Variants in PCDH9 observed in about 807,000 individuals in gnomAD.
The protein encoded by PCDH9 is protocadherin-9.
A neutral mutation model predicts 70.6 loss-of-function variants in PCDH9; 24 were observed. That is an observed-to-expected ratio of 0.34 (90% confidence interval 0.25 to 0.48). PCDH9 has a LOEUF of 0.48. PCDH9 is among the 20% of genes least tolerant of loss of function. The pLI is 0.99. For missense variants in PCDH9, 1,281 were observed against 1,503.6 expected (o/e 0.85, Z 2.45); for synonymous variants, 562 against 558.5 (o/e 1.01, Z -0.09).
At chr13:66,701,214 C>A (rs1010517465) in intron 3 of PCDH9, among the ~76,000 whole-genome samples, 1 of 151,512 alleles carries the variant, frequency 6.6e-6, no homozygotes, top group Non-Finnish European at 1.5e-5. Flanking sequence ...TGGATGCTTT[C>A]ATTTTGCCCA....
intron 4 of PCDH9, among the ~76,000 whole-genome samples, chr13:66,533,504 A>T (rs1960560574): frequency 6.6e-6 from 1 of 152,064 alleles, no homozygotes; most frequent in South Asian, 2.1e-4. Context: ...TTAGAGGAAA[A>T]TTTTAAAATA....
intron 2 of PCDH9, among the ~76,000 whole-genome samples, chr13:66,904,635 C>T (rs921363540): frequency 1.3e-5 from 2 of 151,816 alleles, no homozygotes; most frequent in African/African-American, 4.8e-5. Context: ...GCCATGTTTC[C>T]TATTCATCAA....
chr13:66,958,707 C>T (rs1471058955), intron 2 of PCDH9, among the ~76,000 whole-genome samples: 2 of 151,926 alleles, frequency 1.3e-5, no homozygotes, highest in African/African-American at 4.8e-5. Flanking sequence ...GCTAGATCTT[C>T]TGAGAGCATT....
At chr13:66,936,562 A>G (rs980704717) in intron 2 of PCDH9, among the ~76,000 whole-genome samples, 2 of 152,330 alleles carry the variant, frequency 1.3e-5, no homozygotes, top group African/African-American at 4.8e-5. Context: ...AGTTGAAACT[A>G]AAGTGAAATA....
chr13:66,821,105 T>C (rs544802139), intron 3 of PCDH9, among the ~76,000 whole-genome samples: 53 of 152,314 alleles, frequency 3.5e-4, no homozygotes, highest in African/African-American at 1.3e-3. Flanking sequence ...TTTCTAGTTA[T>C]TTACATTTTG....
chr13:67,173,744 G>T (rs2088363520), intron 2 of PCDH9, among the ~76,000 whole-genome samples: 1 of 152,108 alleles, frequency 6.6e-6, no homozygotes, highest in African/African-American at 2.4e-5. Flanking sequence ...ATTCTTTACT[G>T]GCAGAAAATG....
At chr13:67,063,501 G>A (rs2085579779) in intron 2 of PCDH9, among the ~76,000 whole-genome samples, 1 of 142,498 alleles carries the variant, frequency 7.0e-6, no homozygotes, top group African/African-American at 2.6e-5. Context: ...TGAATCTGAG[G>A]CTCATAGAAT....
chr13:67,054,211 A>G (rs911699824), intron 2 of PCDH9, among the ~76,000 whole-genome samples: 2 of 152,198 alleles, frequency 1.3e-5, no homozygotes, highest in African/African-American at 4.8e-5. Context: ...CACTGAGGAC[A>G]CTAACTTAGT....
intron 4 of PCDH9, among the ~76,000 whole-genome samples, chr13:66,338,954 G>A (rs971372494): frequency 7.9e-5 from 12 of 151,824 alleles, no homozygotes; most frequent in East Asian, 1.9e-4. Context: ...AGAAAAACAC[G>A]AGAACTCCAA....
chr13:66,530,790 GT>G (rs778462540), intron 4 of PCDH9, among the ~76,000 whole-genome samples: 20 of 152,018 alleles, frequency 1.3e-4, no homozygotes, highest in Non-Finnish European at 2.4e-4. Flanking sequence ...GCTGATGTTG[GT>G]TGCATTATAA....
chr13:66,495,604 C>A (rs1300246389), intron 4 of PCDH9, among the ~76,000 whole-genome samples: 3 of 150,628 alleles, frequency 2.0e-5, no homozygotes, highest in African/African-American at 7.3e-5. Flanking sequence ...ATACATACCT[C>A]TGGATGATCA....
chr13:66,515,390 T>C (rs1959682913), intron 4 of PCDH9, among the ~76,000 whole-genome samples: 1 of 152,036 alleles, frequency 6.6e-6, no homozygotes, highest in African/African-American at 2.4e-5. Context: ...TTCAAATTCA[T>C]TATTATAATA....
intron 2 of PCDH9, among the ~76,000 whole-genome samples, chr13:67,077,883 A>G (rs898273048): frequency 6.6e-6 from 1 of 152,186 alleles, no homozygotes; most frequent in Non-Finnish European, 1.5e-5. Context: ...ATATCGATTT[A>G]GATATAGTCC....
intron 4 of PCDH9, among the ~76,000 whole-genome samples, chr13:66,546,128 G>A (rs890159385): frequency 7.3e-5 from 11 of 150,936 alleles, no homozygotes; most frequent in African/African-American, 2.2e-4. Context: ...ATGAGCCACC[G>A]CACCCGGCCA....
At chr13:67,125,531 A>G (rs1036296741) in intron 2 of PCDH9, among the ~76,000 whole-genome samples, 1 of 152,114 alleles carries the variant, frequency 6.6e-6, no homozygotes, top group African/African-American at 2.4e-5. Flanking sequence ...AATTATGAAC[A>G]TGGTGTACAT....
chr13:66,513,265 C>G (rs1959577519), intron 4 of PCDH9, among the ~76,000 whole-genome samples: 2 of 147,168 alleles, frequency 1.4e-5, no homozygotes, highest in South Asian at 4.3e-4. Flanking sequence ...TTCTTGTATC[C>G]TTTTATTATT....
intron 4 of PCDH9, among the ~76,000 whole-genome samples, chr13:66,361,958 C>T (rs1360798397): frequency 1.3e-5 from 2 of 152,078 alleles, no homozygotes; most frequent in Non-Finnish European, 2.9e-5. Flanking sequence ...CAATCTCTTA[C>T]TAATTTTGTA....
chr13:67,030,580 T>C (rs1241406487), intron 2 of PCDH9, among the ~76,000 whole-genome samples: 1 of 151,970 alleles, frequency 6.6e-6, no homozygotes, highest in African/African-American at 2.4e-5. Flanking sequence ...AGGTAATGGA[T>C]ATCCTAAATA....
At chr13:67,005,898 G>A (rs541723552) in intron 2 of PCDH9, among the ~76,000 whole-genome samples, 5 of 152,258 alleles carry the variant, frequency 3.3e-5, no homozygotes, top group Non-Finnish European at 1.5e-5. Context: ...AATCTAAAAA[G>A]CTGTGGTAGG....
Sources: gnomAD v4.1 joint callset for allele counts (sites outside exome capture counted in the v4.1 genomes callset) on GRCh38, gnomAD v4.1.1 for gene constraint, MANE v1.5 for transcripts, NCBI Gene and HGNC (gene_info 2026-07-23, HGNC 2026-07-21) for gene names.